NHSL1: variants seen among roughly 807,000 people sequenced by gnomAD.
NHSL1 encodes NHS-like protein 1.
NHSL1 carries 48 observed loss-of-function variants against 95.0 expected under a neutral mutation model. That is an observed-to-expected ratio of 0.51 (90% confidence interval 0.40 to 0.64). NHSL1 has a LOEUF of 0.64. Ranked by LOEUF, NHSL1 falls within the 30% of genes least tolerant of loss-of-function variation. The pLI, the probability that NHSL1 is intolerant of heterozygous loss-of-function variation, is 0.00. For synonymous variants in NHSL1, 783 were observed against 833.9 expected, an observed-to-expected ratio of 0.94 and a Z score of 1.05; for missense variants, 1,971 against 2,077.7, an observed-to-expected ratio of 0.95 and a Z score of 1.00.
intron 1 of NHSL1, among the ~76,000 whole-genome samples, chr6:138,619,775 C>T (rs1388781020): frequency 6.6e-6 from 1 of 151,896 alleles, no homozygotes; most frequent in Non-Finnish European, 1.5e-5. Context: ...TGGTGAAACC[C>T]CATCTCTACT....
At chr6:138,644,506 A>G (rs1343778053) in intron 1 of NHSL1, among the ~76,000 whole-genome samples, 1 of 152,230 alleles carries the variant, frequency 6.6e-6, no homozygotes, top group Non-Finnish European at 1.5e-5. Flanking sequence ...CCATCTCAAC[A>G]ACAAAAAAAA....
intron 1 of NHSL1, among the ~76,000 whole-genome samples, chr6:138,543,551 A>G (rs973723359): frequency 7.2e-5 from 11 of 152,272 alleles, no homozygotes; most frequent in Admixed American, 7.2e-4. Flanking sequence ...ACACAGGAAC[A>G]TGATTTAAAC....
chr6:138,449,352 A>G (rs865943529), intron 3 of NHSL1, among the ~76,000 whole-genome samples: 1 of 152,094 alleles, frequency 6.6e-6, no homozygotes, highest in South Asian at 2.1e-4. Flanking sequence ...CAATAAGATG[A>G]TAAATGTTAA....
intron 3 of NHSL1, among the ~76,000 whole-genome samples, chr6:138,451,340 T>G (rs1240138361): frequency 1.3e-5 from 2 of 152,192 alleles, no homozygotes; most frequent in Non-Finnish European, 2.9e-5. Context: ...TAGGTCCCCT[T>G]AAGAGTCCTC....
At chr6:138,446,855 A>T in intron 4 of NHSL1, 146 bp downstream of exon 4, 1 of 723,094 alleles carries the variant, frequency 1.4e-6, no homozygotes, top group Non-Finnish European at 2.3e-6. Context: ...ATGTAGTTTT[A>T]ATATTCCTCT....
At chr6:138,609,668 T>G (rs1039923937) in intron 1 of NHSL1, among the ~76,000 whole-genome samples, 2 of 144,560 alleles carry the variant, frequency 1.4e-5, no homozygotes, top group African/African-American at 5.2e-5. Context: ...GAGAATGGCG[T>G]GAACCCGGGA....
chr6:138,489,416 G>A (rs191711619), intron 2 of NHSL1, among the ~76,000 whole-genome samples: 1 of 152,250 alleles, frequency 6.6e-6, no homozygotes, highest in African/African-American at 2.4e-5. Flanking sequence ...ACAAAGTCAG[G>A]ATTGGAATTT....
chr6:138,495,879 G>C lies in NHSL1; in HGVS notation c.211+340C>G, dbSNP rs75028025. 8.8e-3 allele frequency among the ~76,000 whole-genome samples: 1,333 copies of C among 152,248 alleles called. 15 individuals are homozygous for C. The highest frequency in any genetic ancestry group is 0.029 in the African/African-American group (1,210 of 41,546). ...CAGACAAGAGAGAATTGACAGCCAA[G>C]CAAAAGGGGTGTCCCCTTATAAAAC... On this transcript the variant is annotated intron_variant, in intron 2 of 7. Transcript: ENST00000343505.
upstream of NHSL1, among the ~76,000 whole-genome samples, chr6:138,546,776 A>G (rs1345551629): frequency 1.3e-5 from 2 of 152,256 alleles, no homozygotes; most frequent in Non-Finnish European, 2.9e-5. Flanking sequence ...TCAGATCAGT[A>G]CATTTCTTCC....
chr6:138,621,363 C>T (rs1784660934), intron 1 of NHSL1, among the ~76,000 whole-genome samples: 1 of 152,116 alleles, frequency 6.6e-6, no homozygotes, highest in Non-Finnish European at 1.5e-5. Context: ...CAGTGGAGAA[C>T]AACACAAAGA....
chr6:138,484,238 T>C (rs1779591823), intron 2 of NHSL1, among the ~76,000 whole-genome samples: 1 of 152,178 alleles, frequency 6.6e-6, no homozygotes, highest in African/African-American at 2.4e-5. Flanking sequence ...ACAGGAAAGC[T>C]GCATTTTCAG....
chr6:138,558,198 C>T (rs1783268896), intron 1 of NHSL1, among the ~76,000 whole-genome samples: 2 of 152,068 alleles, frequency 1.3e-5, no homozygotes, highest in East Asian at 3.9e-4. Context: ...ACTCGGCTGA[C>T]TGCAACCTCC....
chr6:138,570,959 G>T lies in NHSL1; in HGVS notation c.202+751C>A, dbSNP rs531475366. ...CAGTCCCTACACACACTAAGAGGAA[G>T]AATTCAGAAAATCTAAATATAAAAT... On this transcript the variant is annotated intron_variant, in intron 1 of 6. Coordinates refer to the NHSL1 transcript ENST00000427025. Among the ~76,000 whole-genome samples the T allele has an allele frequency of 1.4e-4, 21 of 152,300 alleles. No individual in the cohort carries two copies. In the South Asian group the frequency reaches 3.9e-3, roughly 29 times the overall value.
Position 138,432,752 on chromosome 6 carries a change from T to C in NHSL1, c.1593A>G (p.Gln531=), listed in dbSNP as rs1393307769. The stretch of plus-strand genomic sequence containing the variant: ...TAGATTCACTCTTGCCATCCACATC[T>C]TGGGGGTGGGCTGGGAAGGCCAGGT... ...RNNLAFPAHP[Q]DVDGKSESSY... is the part of the protein sequence containing the mutation. The change falls in exon 6 of 8, where the codon CAA becomes CAG. Residue 531 remains glutamine (Q), a synonymous_variant. Coordinates refer to ENST00000343505, the MANE Select transcript of NHSL1 (RefSeq NM_001144060.2). This position sits in a 1 kb window ranked among gnomAD's most constrained non-coding sequence, Gnocchi z 4.4. 5.8e-6 allele frequency: 9 copies of C among 1,551,414 alleles called. No homozygotes were observed. The highest frequency in any genetic ancestry group is 7.0e-6 in the Non-Finnish European group (8 of 1,146,890).
chr6:138,561,327 C>T (rs1162269611), intron 1 of NHSL1, among the ~76,000 whole-genome samples: 1 of 152,182 alleles, frequency 6.6e-6, no homozygotes, highest in Admixed American at 6.5e-5. Context: ...GGCATGGAAC[C>T]GGATCAGTAT....
chr6:138,480,612 A>C (rs1181999797), intron 2 of NHSL1, among the ~76,000 whole-genome samples: 1 of 152,224 alleles, frequency 6.6e-6, no homozygotes, highest in Non-Finnish European at 1.5e-5. Flanking sequence ...ATGGTATTCT[A>C]CATATATCAT....
intron 1 of NHSL1, among the ~76,000 whole-genome samples, chr6:138,685,445 G>T (rs538470150): frequency 5.7e-4 from 87 of 152,096 alleles, no homozygotes; most frequent in Middle Eastern, 3.4e-3. Flanking sequence ...ATGTATTGTG[G>T]GCAGAATATA....
At chr6:138,610,946 C>A (rs1034343506) in intron 1 of NHSL1, among the ~76,000 whole-genome samples, 1 of 151,972 alleles carries the variant, frequency 6.6e-6, no homozygotes, top group Admixed American at 6.6e-5. Flanking sequence ...GGTGTGTTGG[C>A]GCATGCCTGT....
chr6:138,454,672 T>C (rs1314445867), intron 3 of NHSL1, among the ~76,000 whole-genome samples: 1 of 152,258 alleles, frequency 6.6e-6, no homozygotes, highest in Non-Finnish European at 1.5e-5. Flanking sequence ...GATTATTTTA[T>C]GTAAGTTATA....
Sources: allele counts gnomAD v4.1 joint callset (sites outside exome capture counted in the v4.1 genomes callset), GRCh38; gene constraint gnomAD v4.1.1; non-coding constraint Gnocchi (gnomAD v3.1); transcripts MANE v1.5; gene names NCBI Gene and HGNC (gene_info 2026-07-23, HGNC 2026-07-21).